ASNS: variants seen among roughly 807,000 people sequenced by gnomAD.
The protein encoded by ASNS is asparagine synthetase (glutamine-hydrolyzing), also known as asparagine synthetase [glutamine-hydrolyzing].
ASNS carries 37 observed loss-of-function variants against 62.6 expected under a neutral mutation model. That is an observed-to-expected ratio of 0.59 (90% confidence interval 0.45 to 0.78). The LOEUF is 0.78. Ranked by LOEUF, ASNS falls within the 30% of genes least tolerant of loss-of-function variation. The pLI, the probability that ASNS is intolerant of heterozygous loss-of-function variation, is 0.00. For synonymous variants in ASNS, 207 were observed against 237.9 expected (o/e 0.87, Z 1.19); for missense variants, 520 against 682.4 (o/e 0.76, Z 2.65).
At chr7:97,902,599 A>T in the ASNS span, among the ~76,000 whole-genome samples, 19 of 152,148 alleles carry the variant, frequency 1.2e-4, no homozygotes, top group African/African-American at 4.6e-4. Flanking sequence ...ACATGCCTGT[A>T]GTCCCAGCTA....
At chr7:97,927,545 T>A in the ASNS span, among the ~76,000 whole-genome samples, 1 of 152,252 alleles carries the variant, frequency 6.6e-6, no homozygotes, top group Admixed American at 6.5e-5. Flanking sequence ...AAGGTCCCAC[T>A]ACGTTTGGTC....
chr7:97,869,302 T>C (rs1792138497), intron 2 of ASNS, 123 bp from the exon 3 acceptor site: 3 of 1,155,436 alleles, frequency 2.6e-6, no homozygotes, highest in Non-Finnish European at 3.6e-6. Flanking sequence ...ATCTTTTCTA[T>C]AGCGATTTCC....
the ASNS span, among the ~76,000 whole-genome samples, chr7:97,924,437 ATCG>A: frequency 1.3e-5 from 2 of 152,200 alleles, no homozygotes; most frequent in Non-Finnish European, 2.9e-5. Context: ...AGCTTGAAAG[ATCG>A]TCACCAGGGA....
intron 1 of ASNS, among the ~76,000 whole-genome samples, chr7:97,871,514 A>AC (rs397933214): frequency 6.6e-6 from 1 of 151,386 alleles, no homozygotes; most frequent in African/African-American, 2.4e-5. Flanking sequence ...AAAAAAAAAA[A>AC]CTGCTGTTAA....
At chr7:97,925,967 G>A in the ASNS span, among the ~76,000 whole-genome samples, 46,735 of 151,678 alleles carry the variant, frequency 0.31, 8,589 homozygotes, top group East Asian at 0.49. Flanking sequence ...TTTTCTAGGC[G>A]TCTTAATGGG....
At chr7:97,925,988 A>C in the ASNS span, among the ~76,000 whole-genome samples, 1 of 152,000 alleles carries the variant, frequency 6.6e-6, no homozygotes, top group Non-Finnish European at 1.5e-5. Flanking sequence ...ATGGGTGTTT[A>C]TGGATACACA....
chr7:97,875,019 T>C (rs1469750913), upstream of ASNS, among the ~76,000 whole-genome samples: 1 of 152,226 alleles, frequency 6.6e-6, no homozygotes, highest in Admixed American at 6.5e-5. Flanking sequence ...TTTGTTTAAA[T>C]GTCACGAACT....
the ASNS span, among the ~76,000 whole-genome samples, chr7:97,897,458 A>G: frequency 6.6e-6 from 1 of 151,316 alleles, no homozygotes; most frequent in Admixed American, 6.6e-5. Flanking sequence ...CAAAAAATAA[A>G]CAGACATTTC....
At chr7:97,855,203 G>A (rs762117573) in intron 9 of ASNS, 150 bp downstream of exon 9, 50 of 571,658 alleles carry the variant, frequency 8.7e-5, no homozygotes, top group Non-Finnish European at 1.5e-4. Context: ...TTCCCCAAGA[G>A]ATAGAAAGCA....
At chr7:97,875,024 C>T (rs6979298), upstream of ASNS, among the ~76,000 whole-genome samples, 29 of 152,110 alleles carry the variant, frequency 1.9e-4, no homozygotes, top group African/African-American at 2.7e-4. Context: ...TTAAATGTCA[C>T]GAACTTTAAA....
intron 6 of ASNS, 31 bp from the exon 7 acceptor site, chr7:97,858,436 T>C (rs779845473): frequency 6.2e-7 from 1 of 1,613,604 alleles, no homozygotes; most frequent in South Asian, 1.1e-5. Context: ...GGAAGTGTCC[T>C]AGTTATGTGC....
the ASNS span, among the ~76,000 whole-genome samples, chr7:97,917,870 G>A: frequency 1.3e-5 from 2 of 152,240 alleles, 1 homozygote; most frequent in South Asian, 4.1e-4. Flanking sequence ...CGCTGTGAAC[G>A]TGCTCTCAAC....
In ASNS at chr7:97,858,283, T is replaced by C; in HGVS notation, c.898A>G (p.Arg300Gly). The change falls in exon 7 of 13, where the codon AGA becomes GGA. Residue 300 changes from arginine (R) to glycine (G), a missense_variant. Physicochemically the swap from Arg to Gly is moderately radical, Grantham distance 125. Coordinates refer to ENST00000394308, the MANE Select transcript of ASNS (RefSeq NM_001673.5). Reference protein sequence around the residue: ...MEDSPDLLAARKVADHIGSEH... With the variant: ...MEDSPDLLAAGKVADHIGSEH... ...GGACAGAGACAGCACCTTACCTTTC[T>C]AGCAGCCAGTAAATCGGGGCTGTCT... 3.1e-6 allele frequency: 5 copies of C among 1,612,966 alleles called. No homozygotes were observed. In the South Asian group the frequency reaches 3.3e-5, roughly 11 times the overall value.
At chr7:97,882,760 TAAG>T in the ASNS span, among the ~76,000 whole-genome samples, 24,639 of 151,646 alleles carry the variant, frequency 0.16, 2,085 homozygotes, top group Middle Eastern at 0.22. Flanking sequence ...TAATGGAAAA[TAAG>T]GTTGTGTCAC....
chr7:97,896,733 C>CATATATATATAT, the ASNS span, among the ~76,000 whole-genome samples: 6 of 26,258 alleles, frequency 2.3e-4, no homozygotes, highest in African/African-American at 4.5e-4. Context: ...CACACACACA[C>CATATATATATAT]ACACACACAT....
At chr7:97,903,446 A>T in the ASNS span, among the ~76,000 whole-genome samples, 1 of 152,260 alleles carries the variant, frequency 6.6e-6, no homozygotes, top group Middle Eastern at 3.4e-3. Flanking sequence ...GCAGACATCC[A>T]CCCACAGATA....
chr7:97,880,638 G>A, the ASNS span, among the ~76,000 whole-genome samples: 3 of 152,168 alleles, frequency 2.0e-5, no homozygotes, highest in African/African-American at 4.8e-5. Context: ...ACCTGGTTAC[G>A]AGGGATCCCA....
intron 3 of ASNS, among the ~76,000 whole-genome samples, chr7:97,868,248 C>T (rs1429768454): frequency 6.6e-5 from 10 of 152,204 alleles, no homozygotes; most frequent in Non-Finnish European, 1.5e-5. Context: ...GCAGAGGTTG[C>T]AGTAAGCCGA....
chr7:97,923,042 G>A, the ASNS span, among the ~76,000 whole-genome samples: 17 of 152,188 alleles, frequency 1.1e-4, no homozygotes, highest in Admixed American at 2.6e-4. Context: ...CGCCAGCCTC[G>A]ACCTGCCAAA....
Sources: gnomAD v4.1 joint callset for allele counts (sites outside exome capture counted in the v4.1 genomes callset) on GRCh38, gnomAD v4.1.1 for gene constraint, MANE v1.5 for transcripts, NCBI Gene and HGNC (gene_info 2026-07-23, HGNC 2026-07-21) for gene names.